The following IMMP2L variants were observed in gnomAD, a reference collection of about 807,000 sequenced individuals.
The protein encoded by IMMP2L is inner mitochondrial membrane peptidase subunit 2, also known as mitochondrial inner membrane protease subunit 2.
Under a neutral mutation model 19.3 loss-of-function variants are expected in IMMP2L, and 18 were observed. The ratio of observed to expected loss-of-function variants is 0.93; its 90% CI spans 0.64 to 1.38. The LOEUF (loss-of-function observed/expected upper bound fraction) is 1.38, where lower values mean the gene tolerates loss of function less well. Among genes scored for constraint, IMMP2L ranks in the 40% most tolerant of loss-of-function variants. The pLI is 0.00. For synonymous variants in IMMP2L, 76 were observed against 73.0 expected (o/e 1.04, Z -0.21); for missense variants, 233 against 218.2 (o/e 1.07, Z -0.43).
intron 5 of IMMP2L, among the ~76,000 whole-genome samples, chr7:110,797,174 T>C (rs903486775): frequency 3.9e-5 from 6 of 151,958 alleles, no homozygotes. Flanking sequence ...CAGTTCTGTC[T>C]TTGCTTCTGT....
At position 111,242,854 on chromosome 7, in the gene IMMP2L, G is replaced by A. The variant is rs528676486; in HGVS notation, c.239+244384C>T. Among the ~76,000 whole-genome samples the A allele has an allele frequency of 3.3e-5, 5 of 152,034 alleles. No homozygotes were observed. In the South Asian group the frequency reaches 8.3e-4, roughly 25 times the overall value. ...TATTCCTCAACTAATTAAGATTTTG[G>A]ACTCCGACATACTATTTTCTTTCAT... On this transcript the variant is annotated intron_variant, in intron 3 of 5. Coordinates refer to ENST00000405709, the MANE Select transcript of IMMP2L (RefSeq NM_032549.4).
intron 3 of IMMP2L, among the ~76,000 whole-genome samples, chr7:111,159,709 A>G (rs1284842116): frequency 6.6e-6 from 1 of 152,174 alleles, no homozygotes; most frequent in Non-Finnish European, 1.5e-5. Flanking sequence ...ACTGTCCAAC[A>G]GAAACATCAG....
rs562064898 is a variant in IMMP2L, at chr7:111,448,410, A to G, written c.239+38828T>C. ...GAACTCAGGATTAAGAACCTCACTA[A>G]AAGCCGCTCAACTACATGGAAACTG... On this transcript the variant is annotated intron_variant, in intron 3 of 5. Coordinates refer to ENST00000405709, the MANE Select transcript of IMMP2L (RefSeq NM_032549.4). Among the ~76,000 whole-genome samples, 191 of 151,942 alleles carry G rather than the reference A, an allele frequency of 1.3e-3. 1 individual carries two copies. The highest frequency in any genetic ancestry group is 2.1e-3 in the Admixed American group (32 of 15,256).
chr7:110,989,153 T>G (rs552599787), intron 3 of IMMP2L, among the ~76,000 whole-genome samples: 1 of 152,244 alleles, frequency 6.6e-6, no homozygotes. Context: ...GAGAATCGCT[T>G]GAAACTGGGT....
chr7:111,493,922 C>G (rs1348281303), intron 2 of IMMP2L, among the ~76,000 whole-genome samples: 2 of 151,676 alleles, frequency 1.3e-5, no homozygotes, highest in African/African-American at 4.8e-5. Context: ...ATGGCGTGAA[C>G]CCAGGAGGCG....
chr7:110,895,473 G>C (rs1015639940), intron 4 of IMMP2L, among the ~76,000 whole-genome samples: 3 of 152,036 alleles, frequency 2.0e-5, no homozygotes, highest in Non-Finnish European at 1.5e-5. Flanking sequence ...CCCCAATTTT[G>C]TTATACTCCT....
chr7:110,721,105 C>G, intron 5 of IMMP2L, among the ~76,000 whole-genome samples: 1 of 151,738 alleles, frequency 6.6e-6, no homozygotes, highest in East Asian at 1.9e-4. Context: ...AATTACCATC[C>G]TACACCCATC....
At chr7:111,047,660 T>C (rs534665510) in intron 3 of IMMP2L, among the ~76,000 whole-genome samples, 1 of 152,090 alleles carries the variant, frequency 6.6e-6, no homozygotes, top group South Asian at 2.1e-4. Flanking sequence ...TCTAATTATG[T>C]GTCTTCTTAG....
chr7:111,489,303 A>G (rs1842909454), intron 2 of IMMP2L, among the ~76,000 whole-genome samples: 1 of 151,970 alleles, frequency 6.6e-6, no homozygotes, highest in African/African-American at 2.4e-5. Flanking sequence ...TCGGCCTCCC[A>G]AAGTGCTGGG....
At chr7:111,558,212 C>A (rs1392620787) in intron 1 of IMMP2L, among the ~76,000 whole-genome samples, 4 of 152,046 alleles carry the variant, frequency 2.6e-5, no homozygotes, top group Non-Finnish European at 5.9e-5. Context: ...AAAAGACTGC[C>A]ACCTTTCTCT....
intron 3 of IMMP2L, among the ~76,000 whole-genome samples, chr7:111,015,929 T>C (rs187749057): frequency 1.3e-5 from 2 of 152,274 alleles, no homozygotes; most frequent in African/African-American, 4.8e-5. Context: ...AGAAATATTA[T>C]AAAGTAGTTC....
At chr7:111,209,802 AAG>A (rs1471938459) in intron 3 of IMMP2L, among the ~76,000 whole-genome samples, 2 of 152,120 alleles carry the variant, frequency 1.3e-5, no homozygotes, top group African/African-American at 4.8e-5. Context: ...ACTGCCCAGA[AAG>A]AGGTGGGCAG....
intron 3 of IMMP2L, among the ~76,000 whole-genome samples, chr7:111,460,541 CT>C (rs1223936974): frequency 1.3e-5 from 2 of 150,746 alleles, no homozygotes; most frequent in East Asian, 1.9e-4. Flanking sequence ...TTTTCCTTGT[CT>C]TTTTTTTTAA....
intron 4 of IMMP2L, among the ~76,000 whole-genome samples, chr7:110,918,443 T>C (rs1420223644): frequency 2.7e-5 from 4 of 145,508 alleles, no homozygotes; most frequent in African/African-American, 1.1e-4. Context: ...GAATTTCTTT[T>C]CTTTTTTTCT....
intron 3 of IMMP2L, among the ~76,000 whole-genome samples, chr7:111,194,039 T>A (rs2129613683): frequency 6.6e-6 from 1 of 152,292 alleles, no homozygotes; most frequent in East Asian, 1.9e-4. Context: ...AAGTCACAGC[T>A]GTCTCTTCGG....
chr7:111,069,798 A>G (rs748474283), intron 3 of IMMP2L, among the ~76,000 whole-genome samples: 4 of 152,144 alleles, frequency 2.6e-5, no homozygotes, highest in Non-Finnish European at 5.9e-5. Flanking sequence ...ATCATACAAA[A>G]AAATTGACCC....
chr7:110,852,283 A>C (rs1806309276), intron 5 of IMMP2L, among the ~76,000 whole-genome samples: 1 of 152,028 alleles, frequency 6.6e-6, no homozygotes, highest in Non-Finnish European at 1.5e-5. Context: ...TATTAAAATT[A>C]TGAATATTGC....
intron 3 of IMMP2L, among the ~76,000 whole-genome samples, chr7:111,452,831 C>G (rs1170995274): frequency 2.0e-5 from 3 of 152,114 alleles, no homozygotes; most frequent in Non-Finnish European, 2.9e-5. Flanking sequence ...TTACAGTACT[C>G]TTTTCTATAG....
chr7:111,139,376 G>T (rs778360115), intron 3 of IMMP2L, among the ~76,000 whole-genome samples: 2 of 152,062 alleles, frequency 1.3e-5, no homozygotes, highest in Non-Finnish European at 2.9e-5. Context: ...AGTATTTACT[G>T]CCAGAGACTG....
Sources: allele counts gnomAD v4.1 joint callset (sites outside exome capture counted in the v4.1 genomes callset), GRCh38; gene constraint gnomAD v4.1.1; transcripts MANE v1.5; gene names NCBI Gene and HGNC (gene_info 2026-07-23, HGNC 2026-07-21).